The following MYO18A variants were observed in gnomAD, a reference collection of about 807,000 sequenced individuals.
The protein encoded by MYO18A is myosin XVIIIA.
In MYO18A, 78 loss-of-function variants were observed where a neutral mutation model predicts 235.8. The observed-to-expected ratio is 0.33, with a 90% CI of 0.28 to 0.40. The LOEUF (loss-of-function observed/expected upper bound fraction) is 0.40. Ranked by LOEUF, MYO18A falls within the 10% of genes least tolerant of loss-of-function variation. MYO18A has a pLI of 1.00. For missense variants in MYO18A, 2,215 were observed against 2,699.3 expected (o/e 0.82, Z 3.98); for synonymous variants, 977 against 1,077.8 (o/e 0.91, Z 1.83).
chr17:29,113,872 G>C, intron 15 of MYO18A, 139 bp downstream of exon 15: 1 of 658,980 alleles, frequency 1.5e-6, no homozygotes, highest in Non-Finnish European at 2.6e-6. Context: ...AGTAGTTGGT[G>C]TCTGGGCATA....
intron 2 of MYO18A, chr17:29,133,619 C>T (rs2067525855): frequency 5.0e-6 from 2 of 398,654 alleles, no homozygotes; most frequent in South Asian, 1.9e-5. Context: ...GGAGCCCATC[C>T]AGCCAGAATA....
At chr17:29,147,758 G>A (rs979119249) in intron 2 of MYO18A, among the ~76,000 whole-genome samples, 46 of 151,916 alleles carry the variant, frequency 3.0e-4, no homozygotes, top group Middle Eastern at 3.4e-3. Flanking sequence ...TTAGCCAGGC[G>A]TGGTGGCCTG....
chr17:29,124,266 G>A (rs532117913), intron 2 of MYO18A, among the ~76,000 whole-genome samples: 40 of 152,184 alleles, frequency 2.6e-4, no homozygotes, highest in Non-Finnish European at 5.3e-4. Flanking sequence ...AATGTCTCAC[G>A]TTCAGGCATG....
At chr17:29,095,208 T>C in intron 28 of MYO18A, 149 bp from the exon 29 acceptor site, 1 of 1,259,324 alleles carries the variant, frequency 7.9e-7, no homozygotes, top group Non-Finnish European at 1.1e-6. Flanking sequence ...AAGGTAGCGG[T>C]GACATTTAGA....
chr17:29,082,632 C>T (rs1048010541), intron 40 of MYO18A, among the ~76,000 whole-genome samples, 194 bp from the exon 41 acceptor site: 3 of 152,044 alleles, frequency 2.0e-5, no homozygotes, highest in African/African-American at 7.2e-5. Context: ...CACTCAGCAG[C>T]CACACTGTGT....
At chr17:29,098,312 C>A in intron 24 of MYO18A, 44 bp downstream of exon 24, 1 of 1,612,674 alleles carries the variant, frequency 6.2e-7, no homozygotes, top group South Asian at 1.1e-5. Context: ...GGCTGGGTCT[C>A]CCTGCAGCCA....
At chr17:29,124,749 A>T (rs1236640871) in intron 2 of MYO18A, 13 of 1,221,946 alleles carry the variant, frequency 1.1e-5, no homozygotes, top group Non-Finnish European at 1.3e-5. Flanking sequence ...GACCACTGGC[A>T]CGCCCCCTTC....
At position 29,115,119 on chromosome 17, in the gene MYO18A, G is replaced by A. The variant is rs201992355; in HGVS notation, c.2319-20C>T. 81 of 1,600,194 alleles carry A rather than the reference G, an allele frequency of 5.1e-5. No individual in the cohort carries two copies. In the African/African-American group the frequency reaches 9.5e-4, roughly 19 times the overall value. The stretch of plus-strand genomic sequence containing the variant: ...AGAGCCCTGGATAGGGACAGCCTGG[G>A]TCAGAGCCTCGCTGGTTGGCCCCGG... On this transcript the variant is annotated intron_variant, in intron 13 of 41. Transcript: ENST00000527372.
In MYO18A at chr17:29,096,900, C is replaced by A; in HGVS notation, c.4246G>T (p.Ala1416Ser). Residue 1416 changes from alanine to serine, a missense_variant, in exon 28 of 42, where the codon GCA becomes TCA. Coordinates refer to ENST00000527372, the MANE Select transcript of MYO18A (RefSeq NM_078471.4). ...GCCCGCTGACTCTCCTCACTATCTG[C>A]CTGCAGGTCCCCGAGCTAGGGGCCA... ...QLERRLGDLQ[A>S]DSEESQRALQ... 1 of 1,571,816 alleles carries A rather than the reference C, an allele frequency of 6.4e-7. No individual in the cohort carries two copies. Among genetic ancestry groups the A allele is most frequent in the Non-Finnish European group, 8.6e-7 (1 of 1,159,914 alleles).
intron 2 of MYO18A, among the ~76,000 whole-genome samples, chr17:29,136,250 A>AAATAT (rs1483354837): frequency 7.6e-4 from 63 of 82,460 alleles, no homozygotes; most frequent in African/African-American, 1.7e-3. Flanking sequence ...AAAAAAAAAA[A>AAATAT]ATATATATAT....
chr17:29,084,834 G>A (rs1312326703), intron 40 of MYO18A, among the ~76,000 whole-genome samples: 1 of 152,016 alleles, frequency 6.6e-6, no homozygotes. Flanking sequence ...CAACCCTGTC[G>A]AACTTGATGG....
intron 2 of MYO18A, among the ~76,000 whole-genome samples, chr17:29,153,668 TCTCTCTCCTCCTCTCTTCCTC>T (rs1391536188): frequency 1.3e-5 from 2 of 152,138 alleles, no homozygotes; most frequent in Non-Finnish European, 2.9e-5. Flanking sequence ...GGGCCCTCTC[TCTCTCTCCTCCTCTCTTCCTC>T]CTCTCTCCTC....
At chr17:29,080,022 G>T in intron 41 of MYO18A, 1 of 985,666 alleles carries the variant, frequency 1.0e-6, no homozygotes, top group Non-Finnish European at 1.2e-6. Context: ...CTTCGGAGCC[G>T]GAGCTGGAGC....
At chr17:29,094,467 G>A (rs936425360) in intron 30 of MYO18A, 183 bp downstream of exon 30, 8 of 654,576 alleles carry the variant, frequency 1.2e-5, no homozygotes, top group African/African-American at 9.1e-5. Flanking sequence ...AAAGTTCCAC[G>A]AGCGCGTCTT....
In MYO18A at chr17:29,111,595, A is replaced by G. The variant is rs1323532951; in HGVS notation, c.2741-12T>C. On this transcript the variant is annotated splice_polypyrimidine_tract_variant and intron_variant, in intron 16 of 41. Coordinates refer to ENST00000527372, the MANE Select transcript of MYO18A (RefSeq NM_078471.4). This position sits in a 1 kb window ranked among gnomAD's most constrained non-coding sequence, Gnocchi z 5.1. Reference sequence around the variant, plus strand: ...AAGGGGGCTTTGGCCTGATGGTGGGAGAAGCAAGATTTAGGTCGTCAGGGT... The same window carrying G: ...AAGGGGGCTTTGGCCTGATGGTGGGGGAAGCAAGATTTAGGTCGTCAGGGT... 6.2e-7 allele frequency: 1 copy of G among 1,613,720 alleles called. No individual in the cohort carries two copies. Among genetic ancestry groups the G allele is most frequent in the Admixed American group, 1.7e-5 (1 of 59,988 alleles).
rs768699298 is a variant in MYO18A, at chr17:29,082,290, C to G, written c.6020+26G>C. Reference sequence around the variant, plus strand: ...TCCTTGTGGCACAAGGTGGCTTTTCCTCCCAGCTCAAGGCCATATGCTCAC... The same window carrying G: ...TCCTTGTGGCACAAGGTGGCTTTTCGTCCCAGCTCAAGGCCATATGCTCAC... On this transcript the variant is annotated intron_variant, in intron 41 of 41. Coordinates refer to ENST00000527372, the MANE Select transcript of MYO18A (RefSeq NM_078471.4). The G allele has an allele frequency of 9.3e-6, 15 of 1,613,286 alleles. No individual in the cohort carries two copies. The Admixed American group carries it at 2.3e-4, about 25-fold the overall frequency.
intron 7 of MYO18A, 134 bp from the exon 8 acceptor site, chr17:29,119,569 T>C: frequency 1.6e-6 from 1 of 635,530 alleles, no homozygotes; most frequent in South Asian, 2.1e-5. Flanking sequence ...TTTTTTTTTT[T>C]TTTTTAAGAT....
chr17:29,115,339 C>A lies in MYO18A; in HGVS notation c.2318+12G>T. 1.2e-6 allele frequency: 2 copies of A among 1,613,812 alleles called. No individual in the cohort carries two copies. The highest frequency in any genetic ancestry group is 1.7e-6 in the Non-Finnish European group (2 of 1,179,764). ...AAAGCAGGAAAAGCCCTGGGTCCTGCCTGGCACTCACCTATTCACCAGGGA... is the reference window on the plus strand; with the variant it reads ...AAAGCAGGAAAAGCCCTGGGTCCTGACTGGCACTCACCTATTCACCAGGGA... On this transcript the variant is annotated intron_variant, in intron 13 of 41. Coordinates refer to ENST00000527372, the MANE Select transcript of MYO18A (RefSeq NM_078471.4).
At chr17:29,105,750 G>A (rs929774665) in intron 20 of MYO18A, among the ~76,000 whole-genome samples, 2 of 152,292 alleles carry the variant, frequency 1.3e-5, no homozygotes, top group Admixed American at 6.5e-5. Flanking sequence ...CTGGAGTCAC[G>A]GCCAGATAAG....
Sources: gnomAD v4.1 joint callset for allele counts (sites outside exome capture counted in the v4.1 genomes callset) on GRCh38, gnomAD v4.1.1 for gene constraint, Gnocchi (gnomAD v3.1) non-coding constraint, MANE v1.5 for transcripts, NCBI Gene and HGNC (gene_info 2026-07-23, HGNC 2026-07-21) for gene names.